Variants in COL21A1 observed in about 807,000 individuals in gnomAD.
The protein encoded by COL21A1 is collagen alpha-1(XXI) chain.
Under a neutral mutation model 137.9 loss-of-function variants are expected in COL21A1, and 149 were observed. The observed-to-expected ratio is 1.08, with a 90% confidence interval of 0.95 to 1.24. The LOEUF is 1.24. COL21A1 is among the 50% of genes most tolerant of loss of function. The pLI, the probability that COL21A1 is intolerant of heterozygous loss-of-function variation, is 0.00. For synonymous variants in COL21A1, 456 were observed against 391.5 expected (o/e 1.16, Z -1.95); for missense variants, 1,167 against 1,158.4 (o/e 1.01, Z -0.11).
At chr6:56,230,822 T>C (rs1562007745) in intron 1 of COL21A1, among the ~76,000 whole-genome samples, 1 of 151,982 alleles carries the variant, frequency 6.6e-6, no homozygotes, top group African/African-American at 2.4e-5. Context: ...TTTATCAATT[T>C]AGTTTCAAAT....
intron 9 of COL21A1, among the ~76,000 whole-genome samples, chr6:56,157,348 T>C (rs1177658437): frequency 6.9e-6 from 1 of 145,110 alleles, no homozygotes; most frequent in East Asian, 2.0e-4. Flanking sequence ...TCTTGCTCTG[T>C]CACCCAGGCT....
At chr6:56,127,364 T>C (rs1292831282) in intron 12 of COL21A1, among the ~76,000 whole-genome samples, 1 of 152,240 alleles carries the variant, frequency 6.6e-6, no homozygotes, top group African/African-American at 2.4e-5. Flanking sequence ...AACTGATTGT[T>C]ATATTGAACT....
At chr6:56,190,548 C>G (rs1289899045) in intron 1 of COL21A1, among the ~76,000 whole-genome samples, 1 of 152,222 alleles carries the variant, frequency 6.6e-6, no homozygotes, top group Non-Finnish European at 1.5e-5. Flanking sequence ...TGAAACAATT[C>G]CAAACAATAG....
chr6:56,294,582 A>T (rs1338536733), intron 1 of COL21A1, among the ~76,000 whole-genome samples: 1 of 152,076 alleles, frequency 6.6e-6, no homozygotes, highest in Non-Finnish European at 1.5e-5. Context: ...ATACGGCAAT[A>T]CTAACGATAG....
chr6:56,246,512 C>T (rs1782653477), intron 1 of COL21A1, among the ~76,000 whole-genome samples: 1 of 151,538 alleles, frequency 6.6e-6, no homozygotes, highest in Admixed American at 6.6e-5. Context: ...TAATAAATAA[C>T]TAAGGTTCTT....
intron 1 of COL21A1, among the ~76,000 whole-genome samples, chr6:56,292,959 A>G (rs999665562): frequency 6.6e-6 from 1 of 152,202 alleles, no homozygotes; most frequent in Non-Finnish European, 1.5e-5. Context: ...AAGTATATAT[A>G]CATATGTATT....
At chr6:56,345,935 C>T (rs12199257) in intron 1 of COL21A1, among the ~76,000 whole-genome samples, 2 of 152,062 alleles carry the variant, frequency 1.3e-5, no homozygotes, top group African/African-American at 2.4e-5. Context: ...TTAAGCATCA[C>T]GTATATTTCT....
chr6:56,127,226 G>A (rs146755247), intron 12 of COL21A1, among the ~76,000 whole-genome samples: 1 of 152,182 alleles, frequency 6.6e-6, no homozygotes, highest in Non-Finnish European at 1.5e-5. Flanking sequence ...TAAATCAGTA[G>A]TCAGGGTTTA....
In COL21A1 at chr6:56,168,274, G is replaced by A. The variant is rs1177014094; in HGVS notation, c.1050C>T (p.His350=). The change falls in exon 6 of 30, where the codon CAC becomes CAT. Residue 350 remains histidine (H), a synonymous_variant. Coordinates refer to ENST00000244728, the MANE Select transcript of COL21A1 (RefSeq NM_030820.4). The part of the protein sequence containing the change: ...QVKTLFDEGW[H]QIRLLVTEQD... ...GTTCTGTTACTAAGAGACGAATTTGGTGCCAGCCTTCATCAAACAACGTCT... is the reference window on the plus strand; with the variant it reads ...GTTCTGTTACTAAGAGACGAATTTGATGCCAGCCTTCATCAAACAACGTCT... 1.3e-6 allele frequency: 2 copies of A among 1,540,846 alleles called. No individual in the cohort carries two copies. Among genetic ancestry groups the A allele is most frequent in the Admixed American group, 3.7e-5 (2 of 54,194 alleles).
intron 1 of COL21A1, among the ~76,000 whole-genome samples, chr6:56,328,161 T>C (rs1229219535): frequency 6.6e-6 from 1 of 152,084 alleles, no homozygotes; most frequent in Non-Finnish European, 1.5e-5. Flanking sequence ...AATTAATAGT[T>C]ATATAAACCA....
rs371027119 is a variant in COL21A1 at position 56,310,429 on chromosome 6, T to C, written c.-39+83542A>G. On this transcript the variant is annotated intron_variant, in intron 1 of 28. Transcript: ENST00000370819. ...TCTAGGAGAAGAGTTTGAGTATCAG[T>C]ATTTTTAGCACTCCCCAGATGATGC... is the stretch of plus-strand genomic sequence containing the variant. 2.3e-4 allele frequency among the ~76,000 whole-genome samples: 35 copies of C among 152,278 alleles called. 1 individual carries two copies. The East Asian group carries it at 5.0e-3, about 22-fold the overall frequency.
At chr6:56,213,595 G>A (rs1780311966) in intron 1 of COL21A1, among the ~76,000 whole-genome samples, 1 of 151,852 alleles carries the variant, frequency 6.6e-6, no homozygotes, top group Non-Finnish European at 1.5e-5. Flanking sequence ...GTAAAACTCT[G>A]GCATATATGA....
At chr6:56,116,686 C>A (rs868859758) in intron 16 of COL21A1, among the ~76,000 whole-genome samples, 14 of 151,890 alleles carry the variant, frequency 9.2e-5, no homozygotes, top group Admixed American at 6.6e-5. Flanking sequence ...GTGTAAATTC[C>A]TCTTATCCTA....
At chr6:56,059,075 C>A (rs901462905) in intron 29 of COL21A1, 90 bp downstream of exon 29, 1 of 947,778 alleles carries the variant, frequency 1.1e-6, no homozygotes, top group African/African-American at 1.6e-5. Flanking sequence ...AAACAGATGT[C>A]TCAGTTTCAA....
intron 1 of COL21A1, among the ~76,000 whole-genome samples, chr6:56,284,040 A>AGTTTT (rs1164638667): frequency 1.3e-5 from 2 of 152,130 alleles, no homozygotes; most frequent in South Asian, 2.1e-4. Context: ...GAATGTTTGT[A>AGTTTT]GTTTTGTTTT....
intron 16 of COL21A1, among the ~76,000 whole-genome samples, chr6:56,116,214 C>CA (rs1175369438): frequency 6.6e-6 from 1 of 151,748 alleles, no homozygotes; most frequent in Non-Finnish European, 1.5e-5. Flanking sequence ...TACCTGAAGA[C>CA]ATTTAATAAT....
chr6:56,105,690 GTT>G (rs1176173319), intron 16 of COL21A1, among the ~76,000 whole-genome samples: 1 of 152,018 alleles, frequency 6.6e-6, no homozygotes, highest in Non-Finnish European at 1.5e-5. Flanking sequence ...CTAGTTCTTT[GTT>G]TCCTCATCTG....
chr6:56,094,072 C>T (rs1208864291), intron 17 of COL21A1, among the ~76,000 whole-genome samples: 2 of 152,106 alleles, frequency 1.3e-5, no homozygotes, highest in Non-Finnish European at 2.9e-5. Context: ...CCCAAATCAC[C>T]AAGTGCTGGC....
chr6:56,325,547 AC>A (rs1562057069), intron 1 of COL21A1, among the ~76,000 whole-genome samples: 461 of 9,352 alleles, frequency 0.049, 212 homozygotes, highest in Middle Eastern at 0.17. Context: ...AATATATAAT[AC>A]ATATATAATA....
Sources: gnomAD v4.1 joint callset for allele counts (sites outside exome capture counted in the v4.1 genomes callset) on GRCh38, gnomAD v4.1.1 for gene constraint, MANE v1.5 for transcripts, NCBI Gene and HGNC (gene_info 2026-07-23, HGNC 2026-07-21) for gene names.